EYS: variants seen among roughly 807,000 people sequenced by gnomAD.
EYS encodes the protein protein eyes shut homolog.
A neutral mutation model predicts 282.1 loss-of-function variants in EYS; 250 were observed. The observed-to-expected ratio is 0.89, with a 90% CI of 0.80 to 0.98. EYS has a LOEUF of 0.98. Among genes scored for constraint, EYS ranks in the 50% least tolerant of loss-of-function variants. The pLI is 0.00. For synonymous variants in EYS, 1,355 were observed against 1,282.9 expected (o/e 1.06, Z -1.20); for missense variants, 4,016 against 3,709.0 (o/e 1.08, Z -2.15).
At position 64,551,205 on chromosome 6, in the gene EYS, TATATATATATAC is replaced by T. The variant is rs200171595; in HGVS notation, c.5644+39006_5644+39017del. On this transcript the variant is annotated intron_variant, in intron 26 of 42. Transcript: ENST00000503581. Reference sequence around the variant, plus strand: ...ACACATATATACATATATACACACATATATATATATACATATATATATGCAGTAACTTCCTAA... The same window carrying T: ...ACACATATATACATATATACACACATATATATATATGCAGTAACTTCCTAA... 1.0e-4 allele frequency among the ~76,000 whole-genome samples: 15 copies of T among 145,648 alleles called. No individual in the cohort carries two copies. In the East Asian group the frequency reaches 2.7e-3, roughly 27 times the overall value.
intron 35 of EYS, among the ~76,000 whole-genome samples, chr6:63,879,352 A>G (rs1773066767): frequency 6.6e-6 from 1 of 152,220 alleles, no homozygotes; most frequent in Non-Finnish European, 1.5e-5. Flanking sequence ...GGCTTTTATT[A>G]TAATTAAGAA....
intron 8 of EYS, among the ~76,000 whole-genome samples, chr6:65,378,435 G>T (rs752000739): frequency 6.6e-6 from 1 of 152,152 alleles, no homozygotes; most frequent in Non-Finnish European, 1.5e-5. Context: ...CACTGTTGGT[G>T]GGAGTGTAAA....
At chr6:63,949,660 G>T (rs1206180345) in intron 35 of EYS, among the ~76,000 whole-genome samples, 2 of 152,030 alleles carry the variant, frequency 1.3e-5, no homozygotes, top group South Asian at 4.1e-4. Flanking sequence ...ACCTCCTTGA[G>T]TTAAGAGACA....
At chr6:65,200,843 T>C (rs1765882586) in intron 12 of EYS, among the ~76,000 whole-genome samples, 1 of 151,840 alleles carries the variant, frequency 6.6e-6, no homozygotes, top group Non-Finnish European at 1.5e-5. Context: ...TAAAATCAAA[T>C]AAACTGAACA....
At chr6:64,346,956 C>T (rs565933662) in intron 29 of EYS, among the ~76,000 whole-genome samples, 28 of 151,438 alleles carry the variant, frequency 1.8e-4, no homozygotes, top group Admixed American at 1.7e-3. Context: ...CTAGCTTTGA[C>T]TACTAAAAAT....
intron 26 of EYS, among the ~76,000 whole-genome samples, chr6:64,468,794 T>C (rs1343772649): frequency 6.6e-6 from 1 of 152,234 alleles, no homozygotes; most frequent in East Asian, 1.9e-4. Context: ...CTTAGAATAA[T>C]GGCTTCCAAT....
chr6:65,567,417 T>C (rs1002510665), intron 2 of EYS, among the ~76,000 whole-genome samples: 4 of 151,414 alleles, frequency 2.6e-5, no homozygotes, highest in African/African-American at 9.7e-5. Context: ...TTTTAAATTA[T>C]AAATTGATGT....
rs1342543977 is a variant in EYS at position 63,958,137 on chromosome 6, A to G, written c.7055+26246T>C. On this transcript the variant is annotated intron_variant, in intron 35 of 42. Transcript: ENST00000503581. ...GTGGGGAGTCAAATCTGTGGTCACA[A>G]TCAACTAATATAATTCATTTTGAGT... Among the ~76,000 whole-genome samples, 17 of 140,608 alleles carry G rather than the reference A, an allele frequency of 1.2e-4. No homozygotes were observed. The Admixed American group carries it at 1.3e-3, about 11-fold the overall frequency. 92.2% of individuals were successfully genotyped at this position (140,608 alleles called of 152,430 possible).
intron 30 of EYS, among the ~76,000 whole-genome samples, chr6:64,281,712 A>G (rs1768315092): frequency 6.6e-6 from 1 of 152,242 alleles, no homozygotes; most frequent in South Asian, 2.1e-4. Context: ...ACACATCATA[A>G]AAGGCATAAT....
chr6:63,922,929 G>T (rs776262659), intron 35 of EYS, among the ~76,000 whole-genome samples: 1 of 152,144 alleles, frequency 6.6e-6, no homozygotes, highest in Admixed American at 6.5e-5. Context: ...AAATACTGAC[G>T]TTGTGACTTT....
intron 12 of EYS, among the ~76,000 whole-genome samples, chr6:65,105,699 T>C (rs1220911814): frequency 6.6e-6 from 1 of 151,932 alleles, no homozygotes; most frequent in Non-Finnish European, 1.5e-5. Flanking sequence ...TTTGAATCCC[T>C]ATTCCGTGAA....
intron 31 of EYS, among the ~76,000 whole-genome samples, chr6:64,084,967 T>TA (rs1772093944): frequency 6.6e-6 from 1 of 152,028 alleles, no homozygotes; most frequent in South Asian, 2.1e-4. Context: ...TGCCCTACTG[T>TA]ATGTGGGGTA....
intron 36 of EYS, among the ~76,000 whole-genome samples, chr6:63,863,675 C>T (rs111453521): frequency 0.016 from 937 of 59,998 alleles, 347 homozygotes; most frequent in Middle Eastern, 0.069. Flanking sequence ...TTTCTTTTTT[C>T]TTTTTTTTTT....
chr6:63,926,341 C>T (rs1054995240), intron 35 of EYS, among the ~76,000 whole-genome samples: 2 of 152,192 alleles, frequency 1.3e-5, no homozygotes, highest in Non-Finnish European at 2.9e-5. Flanking sequence ...CTATAATGGT[C>T]TAGCAGGAAG....
chr6:63,913,003 C>T (rs1440180488), intron 35 of EYS, among the ~76,000 whole-genome samples: 6 of 152,074 alleles, frequency 3.9e-5, no homozygotes, highest in Non-Finnish European at 7.4e-5. Context: ...CTGTGTTAGA[C>T]GACACAGTTC....
intron 31 of EYS, among the ~76,000 whole-genome samples, chr6:64,211,076 T>C (rs927316111): frequency 2.0e-5 from 3 of 152,144 alleles, no homozygotes; most frequent in African/African-American, 7.2e-5. Context: ...GGATTTGAAC[T>C]GAGTGTCTTG....
chr6:63,894,463 G>A (rs992719118), intron 35 of EYS, among the ~76,000 whole-genome samples: 2 of 152,156 alleles, frequency 1.3e-5, no homozygotes, highest in Non-Finnish European at 2.9e-5. Context: ...TGGAAGAGAC[G>A]AGGAAGGATC....
At chr6:63,833,194 A>G (rs1771696217) in intron 36 of EYS, among the ~76,000 whole-genome samples, 2 of 152,256 alleles carry the variant, frequency 1.3e-5, no homozygotes, top group South Asian at 2.1e-4. Flanking sequence ...CCTATTCAAC[A>G]TGGTGTTGGA....
intron 13 of EYS, among the ~76,000 whole-genome samples, chr6:65,026,916 C>CAAAAAAAAAAAAAAAACAAAAAAAAAAAA (rs1260312589): frequency 9.3e-6 from 1 of 107,840 alleles, no homozygotes; most frequent in African/African-American, 3.3e-5. Context: ...GACTCCGTCT[C>CAAAAAAAAAAAAAAAACAAAAAAAAAAAA]AAAAAAAAAA....
Sources: allele counts gnomAD v4.1 joint callset (sites outside exome capture counted in the v4.1 genomes callset), GRCh38; gene constraint gnomAD v4.1.1; transcripts MANE v1.5; gene names NCBI Gene and HGNC (gene_info 2026-07-23, HGNC 2026-07-21).